The following ATAD2B variants were observed in gnomAD, a reference collection of about 807,000 sequenced individuals.
The protein encoded by ATAD2B is ATPase family AAA domain containing 2B.
A neutral mutation model predicts 167.6 loss-of-function variants in ATAD2B; 40 were observed. The observed-to-expected ratio is 0.24, with a 90% confidence interval of 0.19 to 0.31. The LOEUF (loss-of-function observed/expected upper bound fraction) is 0.31, where lower values mean the gene tolerates loss of function less well. ATAD2B is among the 10% of genes least tolerant of loss of function. The probability of loss-of-function intolerance (pLI) is 1.00; values close to 1 mark genes in which losing one functional copy is unlikely to be tolerated. For missense variants in ATAD2B, 1,242 were observed against 1,757.2 expected (o/e 0.71, Z 5.24); for synonymous variants, 579 against 596.5 (o/e 0.97, Z 0.43).
the ATAD2B span, among the ~76,000 whole-genome samples, chr2:23,701,387 G>A: frequency 1.3e-5 from 2 of 152,178 alleles, no homozygotes; most frequent in Admixed American, 6.5e-5. Flanking sequence ...CTCTCTAGAT[G>A]CCAAATTTGA....
chr2:23,837,299 A>C (rs1690152056), intron 13 of ATAD2B, among the ~76,000 whole-genome samples: 1 of 152,186 alleles, frequency 6.6e-6, no homozygotes, highest in Non-Finnish European at 1.5e-5. Flanking sequence ...CAGGCAGTGG[A>C]AGCAGACACC....
At chr2:23,696,167 A>AT in the ATAD2B span, 1 of 1,539,110 alleles carries the variant, frequency 6.5e-7, no homozygotes, top group Non-Finnish European at 8.8e-7. The surrounding 1 kb of genome is among the most constrained non-coding windows in gnomAD (Gnocchi z 5.5). Context: ...GGGACCAGGC[A>AT]TGGGGGTCCC....
At chr2:23,923,355 G>GT (rs948931900) in intron 1 of ATAD2B, among the ~76,000 whole-genome samples, 2 of 152,168 alleles carry the variant, frequency 1.3e-5, no homozygotes, top group Non-Finnish European at 2.9e-5. Context: ...CCAGGGTCTT[G>GT]TGGGGGGACA....
the ATAD2B span, among the ~76,000 whole-genome samples, chr2:23,700,059 C>T: frequency 1.3e-5 from 2 of 152,214 alleles, no homozygotes; most frequent in Non-Finnish European, 2.9e-5. This position sits in a 1 kb window ranked among gnomAD's most constrained non-coding sequence, Gnocchi z 4.6. Flanking sequence ...ATGGACTCCA[C>T]GTTCCCTCTG....
intron 27 of ATAD2B, among the ~76,000 whole-genome samples, chr2:23,752,519 T>C (rs1233699704): frequency 6.6e-6 from 1 of 150,730 alleles, no homozygotes; most frequent in Admixed American, 6.6e-5. Context: ...TTTATATATA[T>C]AGTTTTAACT....
At chr2:23,819,649 C>A in intron 17 of ATAD2B, 98 bp downstream of exon 17, 1 of 954,906 alleles carries the variant, frequency 1.0e-6, no homozygotes, top group East Asian at 3.0e-5. Context: ...AAACAATATC[C>A]TCACAGTTAT....
At chr2:23,828,761 C>T (rs1341600500) in intron 15 of ATAD2B, 88 bp downstream of exon 15, 1 of 795,386 alleles carries the variant, frequency 1.3e-6, no homozygotes, top group Non-Finnish European at 2.1e-6. Flanking sequence ...AAAAACATAA[C>T]TATGCTCATT....
At chr2:23,816,066 T>C (rs1686394786) in intron 17 of ATAD2B, among the ~76,000 whole-genome samples, 1 of 152,140 alleles carries the variant, frequency 6.6e-6, no homozygotes, top group Admixed American at 6.5e-5. Flanking sequence ...AATGAATATA[T>C]GAAAGAACAA....
In ATAD2B at chr2:23,758,104, G is replaced by A. The variant is rs779853060; in HGVS notation, c.3395-3C>T. On this transcript the variant is annotated splice_region_variant and splice_polypyrimidine_tract_variant and intron_variant, in intron 24 of 27. Transcript: ENST00000238789. ...CCTTGATTTTCTCCGAACCCGAACT[G>A]TTTTACAAGGAAGGAAAAAAGATAT... 1 of 1,541,160 alleles carries A rather than the reference G, an allele frequency of 6.5e-7. No homozygotes were observed. The highest frequency in any genetic ancestry group is 8.7e-7 in the Non-Finnish European group (1 of 1,155,894).
intron 14 of ATAD2B, among the ~76,000 whole-genome samples, chr2:23,830,599 T>C (rs1311873092): frequency 1.3e-5 from 2 of 152,194 alleles, no homozygotes; most frequent in African/African-American, 4.8e-5. Context: ...AAATCTGGAA[T>C]CAATAGCTAC....
At chr2:23,740,290 T>C in the ATAD2B span, among the ~76,000 whole-genome samples, 1 of 152,028 alleles carries the variant, frequency 6.6e-6, no homozygotes, top group Admixed American at 6.6e-5. Flanking sequence ...AACATCGATG[T>C]AAAAATCCTC....
chr2:23,742,037 TA>T, the ATAD2B span, among the ~76,000 whole-genome samples: 3 of 152,180 alleles, frequency 2.0e-5, 1 homozygote. Context: ...TGGCAATCAT[TA>T]AAAAGTCAGG....
the ATAD2B span, among the ~76,000 whole-genome samples, chr2:23,685,041 G>T: frequency 6.6e-6 from 1 of 152,184 alleles, no homozygotes; most frequent in Non-Finnish European, 1.5e-5. Context: ...CTTTTCCCCA[G>T]CCCAAGTAGG....
chr2:23,711,332 G>T, the ATAD2B span, among the ~76,000 whole-genome samples: 5 of 120,434 alleles, frequency 4.2e-5, no homozygotes, highest in Non-Finnish European at 6.8e-5. Context: ...TCTTTCCACA[G>T]AATTTCTTTC....
the ATAD2B span, among the ~76,000 whole-genome samples, chr2:23,720,761 G>T: frequency 6.6e-6 from 1 of 152,072 alleles, no homozygotes; most frequent in Non-Finnish European, 1.5e-5. Context: ...TACAAAAAGA[G>T]AATCCCACAG....
intron 18 of ATAD2B, among the ~76,000 whole-genome samples, chr2:23,807,950 A>T (rs1272032376): frequency 8.9e-6 from 1 of 112,088 alleles, no homozygotes; most frequent in East Asian, 2.1e-4. Flanking sequence ...TAAATATATA[A>T]ATATTTATAA....
At chr2:23,926,283 C>G (rs1704800168) in intron 1 of ATAD2B, among the ~76,000 whole-genome samples, 2 of 152,200 alleles carry the variant, frequency 1.3e-5, no homozygotes, top group Admixed American at 1.3e-4. Flanking sequence ...GACAGCAGAT[C>G]GTTCGAATGA....
chr2:23,787,502 GT>G (rs1681001970), intron 20 of ATAD2B, among the ~76,000 whole-genome samples: 1 of 151,860 alleles, frequency 6.6e-6, no homozygotes, highest in African/African-American at 2.4e-5. Context: ...ATTTCCCAAG[GT>G]TTTGGGAGGG....
At chr2:23,856,740 A>C (rs1477301624) in intron 13 of ATAD2B, among the ~76,000 whole-genome samples, 1 of 152,038 alleles carries the variant, frequency 6.6e-6, no homozygotes, top group African/African-American at 2.4e-5. Context: ...CATGCCTGTA[A>C]TCCCAGCTAC....
Sources: gnomAD v4.1 joint callset for allele counts (sites outside exome capture counted in the v4.1 genomes callset) on GRCh38, gnomAD v4.1.1 for gene constraint, Gnocchi (gnomAD v3.1) non-coding constraint, MANE v1.5 for transcripts, NCBI Gene and HGNC (gene_info 2026-07-23, HGNC 2026-07-21) for gene names.